Variants in CPAP observed in about 807,000 individuals in gnomAD.
CPAP encodes the protein centrosomal P4.1-associated protein.
the CPAP span, among the ~76,000 whole-genome samples, chr13:24,901,988 C>T: frequency 6.6e-6 from 1 of 151,906 alleles, no homozygotes; most frequent in Non-Finnish European, 1.5e-5. Flanking sequence ...CAGACCCTGT[C>T]TCAAAAAAAT....
chr13:24,899,619 AC>A, the CPAP span: 1 of 1,571,544 alleles, frequency 6.4e-7, no homozygotes, highest in Non-Finnish European at 8.7e-7. Context: ...ACCTAAGGAG[AC>A]CATCTCAGTG....
At chr13:24,888,804 TTA>T in the CPAP span, among the ~76,000 whole-genome samples, 802 of 152,270 alleles carry the variant, frequency 5.3e-3, 22 homozygotes, top group East Asian at 0.08. Flanking sequence ...ACTGGAGGTT[TTA>T]TGTGTTAAGA....
chr13:24,927,432 A>G, the CPAP span, among the ~76,000 whole-genome samples: 1 of 152,228 alleles, frequency 6.6e-6, no homozygotes, highest in Non-Finnish European at 1.5e-5. Context: ...AAAGTCTGGT[A>G]AATGGAGAGT....
the CPAP span, among the ~76,000 whole-genome samples, chr13:24,932,605 CATA>C: frequency 3.3e-5 from 5 of 152,204 alleles, no homozygotes; most frequent in Admixed American, 6.5e-5. Context: ...CAGAAACCCA[CATA>C]ATGAGTCTTT....
At chr13:24,902,166 A>G in the CPAP span, among the ~76,000 whole-genome samples, 1 of 152,180 alleles carries the variant, frequency 6.6e-6, no homozygotes, top group Non-Finnish European at 1.5e-5. Flanking sequence ...ATTGGGAAGG[A>G]TAACACAATG....
chr13:24,896,744 G>A, the CPAP span, among the ~76,000 whole-genome samples: 1 of 152,216 alleles, frequency 6.6e-6, no homozygotes, highest in Non-Finnish European at 1.5e-5. Flanking sequence ...AACCTTGTGT[G>A]GTCTAAGGAG....
the CPAP span, among the ~76,000 whole-genome samples, chr13:24,894,866 G>A: frequency 0.011 from 1,636 of 152,262 alleles, 37 homozygotes; most frequent in African/African-American, 0.036. Context: ...GGAGCCCCTA[G>A]GCTGGGGGAC....
At chr13:24,885,440 A>G in the CPAP span, 1 of 1,301,626 alleles carries the variant, frequency 7.7e-7, no homozygotes, top group East Asian at 2.3e-5. Flanking sequence ...TTCCAAAGCC[A>G]GATTCTGATA....
chr13:24,906,229 CCTTT>C, the CPAP span: 5 of 1,608,382 alleles, frequency 3.1e-6, no homozygotes, highest in Admixed American at 1.7e-5. Context: ...TCTGTTGATC[CCTTT>C]CTAAGATTTT....
At chr13:24,912,354 T>C in the CPAP span, among the ~76,000 whole-genome samples, 1 of 152,218 alleles carries the variant, frequency 6.6e-6, no homozygotes, top group Non-Finnish European at 1.5e-5. Context: ...CCCCTAATAC[T>C]TGATCAACCA....
the CPAP span, among the ~76,000 whole-genome samples, chr13:24,891,454 G>A: frequency 6.6e-6 from 1 of 152,132 alleles, no homozygotes; most frequent in Non-Finnish European, 1.5e-5. Context: ...GTTCCTGGTG[G>A]CCATGTGCTC....
At chr13:24,905,349 G>A in the CPAP span, 64 of 1,613,740 alleles carry the variant, frequency 4.0e-5, no homozygotes, top group African/African-American at 4.7e-4. Context: ...GACTCACCAG[G>A]TGGTTGGTCT....
chr13:24,895,095 C>G, the CPAP span, among the ~76,000 whole-genome samples: 1 of 152,236 alleles, frequency 6.6e-6, no homozygotes, highest in Non-Finnish European at 1.5e-5. Context: ...GTGAGCACGG[C>G]TGAGAGCCAG....
chr13:24,905,326 T>C, the CPAP span: 15 of 1,608,398 alleles, frequency 9.3e-6, no homozygotes, highest in African/African-American at 2.7e-5. Flanking sequence ...TGATACATAT[T>C]TTATAATGCT....
the CPAP span, chr13:24,885,468 T>C: frequency 8.4e-7 from 1 of 1,196,176 alleles, no homozygotes; most frequent in Middle Eastern, 1.9e-4. Context: ...CTAGGACTAG[T>C]GTTTACAAAA....
At chr13:24,903,857 T>G in the CPAP span, 14 of 1,451,588 alleles carry the variant, frequency 9.6e-6, no homozygotes, top group African/African-American at 2.8e-5. Context: ...TTCAGACTGT[T>G]TATAGATGGT....
At chr13:24,919,579 C>T in the CPAP span, among the ~76,000 whole-genome samples, 6 of 152,166 alleles carry the variant, frequency 3.9e-5, no homozygotes, top group African/African-American at 1.4e-4. Context: ...TACCACAACA[C>T]CCAGCTCATC....
the CPAP span, among the ~76,000 whole-genome samples, chr13:24,930,562 T>G: frequency 6.6e-6 from 1 of 152,176 alleles, no homozygotes; most frequent in East Asian, 1.9e-4. Flanking sequence ...GAACATGCAG[T>G]ATTTGGTTTT....
chr13:24,896,987 T>G, the CPAP span, among the ~76,000 whole-genome samples: 1,051 of 152,388 alleles, frequency 6.9e-3, 5 homozygotes, highest in Non-Finnish European at 0.011. Flanking sequence ...ATAACTCAGA[T>G]TGTTTAAAAG....
Sources: gnomAD v4.1 joint callset for allele counts (sites outside exome capture counted in the v4.1 genomes callset) on GRCh38, gnomAD v4.1.1 for gene constraint, MANE v1.5 for transcripts, NCBI Gene and HGNC (gene_info 2026-07-23, HGNC 2026-07-21) for gene names.